The following WDR37 variants were observed in gnomAD, a reference collection of about 807,000 sequenced individuals.
WDR37 encodes WD repeat domain 37, also known as WD repeat-containing protein 37.
In WDR37, 19 loss-of-function variants were observed where a neutral mutation model predicts 62.9. The ratio of observed to expected loss-of-function variants is 0.30; its 90% CI spans 0.21 to 0.44. The LOEUF (loss-of-function observed/expected upper bound fraction) is 0.44. Ranked by LOEUF, WDR37 falls within the 20% of genes least tolerant of loss-of-function variation. WDR37 has a pLI of 1.00. For missense variants in WDR37, 474 were observed against 657.6 expected (o/e 0.72, Z 3.05); for synonymous variants, 250 against 260.9 (o/e 0.96, Z 0.40).
chr10:1,126,241 T>TA (rs1364268942), intron 13 of WDR37, among the ~76,000 whole-genome samples: 3 of 151,946 alleles, frequency 2.0e-5, no homozygotes, highest in East Asian at 1.9e-4. Context: ...CTGTCTCTAA[T>TA]AAAAATACAA....
rs200842919 is a variant in WDR37 at position 1,116,936 on chromosome 10, C to T, written c.1104-7282C>T. Among the ~76,000 whole-genome samples the T allele has an allele frequency of 6.9e-5, 9 of 129,714 alleles. No individual in the cohort carries two copies. In the East Asian group the frequency reaches 9.9e-4, roughly 14 times the overall value. The allele number at this position is 129,714 out of a possible 152,430, so 85.1% of individuals were successfully genotyped here. ...TCCTTGTCTCTTACCAGCAGAGCAGCGCTGTCCGTGCCACCACCTGCAGAG... is the reference window on the plus strand; with the variant it reads ...TCCTTGTCTCTTACCAGCAGAGCAGTGCTGTCCGTGCCACCACCTGCAGAG... On this transcript the variant is annotated intron_variant, in intron 11 of 13. Transcript: ENST00000263150.
Position 1,072,290 on chromosome 10 carries a change from A to G in WDR37, c.135A>G (p.Gly45=). 6.2e-7 allele frequency: 1 copy of G among 1,613,532 alleles called. No individual in the cohort carries two copies. The highest frequency in any genetic ancestry group is 8.5e-7 in the Non-Finnish European group (1 of 1,179,802). Reference sequence around the variant, plus strand: ...GACTGCCAAGAGACATGTTAGAAGGACAAGTAAGCTACGATTGATTAGGGC... The same window carrying G: ...GACTGCCAAGAGACATGTTAGAAGGGCAAGTAAGCTACGATTGATTAGGGC... The part of the protein sequence containing the change: ...RTGLPRDMLE[G]QDSKLPSSVR... The change falls in exon 2 of 14, where the codon GGA becomes GGG. Residue 45 remains glycine, a synonymous_variant. Transcript: ENST00000263150.
chr10:1,121,395 A>C lies in WDR37; in HGVS notation c.1104-2823A>C, dbSNP rs1835573315. Among the ~76,000 whole-genome samples the C allele has an allele frequency of 1.3e-5, 2 of 152,236 alleles. No homozygotes were observed. The highest frequency in any genetic ancestry group is 6.5e-5 in the Admixed American group (1 of 15,300). ...CTCCCCCAGCAGCCGAAGTCCTCTA[A>C]GCCTCATTGTAACCTTCTCACTGAA... On this transcript the variant is annotated intron_variant, in intron 11 of 13. Transcript: ENST00000263150. This position sits in a 1 kb window ranked among gnomAD's most constrained non-coding sequence, Gnocchi z 4.5.
intron 5 of WDR37, among the ~76,000 whole-genome samples, chr10:1,082,456 A>G (rs1031798290): frequency 1.3e-5 from 2 of 152,190 alleles, no homozygotes; most frequent in Admixed American, 6.5e-5. Context: ...TTTTTCCACA[A>G]AGAAAGACAC....
chr10:1,114,908 G>A (rs753111381), intron 11 of WDR37, among the ~76,000 whole-genome samples: 1 of 152,208 alleles, frequency 6.6e-6, no homozygotes, highest in Non-Finnish European at 1.5e-5. Flanking sequence ...GAATAGACGT[G>A]CCTGCAAGAG....
chr10:1,058,087 G>GGAGTTA (rs370967462), intron 1 of WDR37, among the ~76,000 whole-genome samples: 87,171 of 151,920 alleles, frequency 0.57, 25,585 homozygotes, highest in Non-Finnish European at 0.64. Flanking sequence ...ATGTAAATAT[G>GGAGTTA]AACTCACCAA....
chr10:1,104,270 A>C (rs1259272572), intron 10 of WDR37, among the ~76,000 whole-genome samples: 2 of 152,196 alleles, frequency 1.3e-5, no homozygotes, highest in African/African-American at 4.8e-5. Flanking sequence ...GTCCTCTTCC[A>C]AGCCTGCTGG....
Position 1,129,349 on chromosome 10 carries a change from A to G in WDR37, c.*5A>G, listed in dbSNP as rs935380670. On this transcript the variant is annotated 3_prime_UTR_variant, in exon 14 of 14. Transcript: ENST00000263150. Reference sequence around the variant, plus strand: ...GCATTGCTACAAGAAAAATAAGGACACCGGCAGCCCTTAGTTTCACTGTTT... The same window carrying G: ...GCATTGCTACAAGAAAAATAAGGACGCCGGCAGCCCTTAGTTTCACTGTTT... 4.3e-6 allele frequency: 7 copies of G among 1,613,866 alleles called. No homozygotes were observed. Among genetic ancestry groups the G allele is most frequent in the African/African-American group, 1.3e-5 (1 of 74,884 alleles).
At chr10:1,117,246 A>T (rs1246888522) in intron 11 of WDR37, among the ~76,000 whole-genome samples, 2 of 151,976 alleles carry the variant, frequency 1.3e-5, no homozygotes, top group African/African-American at 4.8e-5. Context: ...GTAGAGATGG[A>T]GTCTCACCAT....
At chr10:1,068,179 C>T (rs1564496557) in intron 1 of WDR37, among the ~76,000 whole-genome samples, 2 of 151,928 alleles carry the variant, frequency 1.3e-5, no homozygotes, top group Admixed American at 6.6e-5. Flanking sequence ...GGGTGACTAT[C>T]CTTAAGAAAG....
intron 5 of WDR37, among the ~76,000 whole-genome samples, chr10:1,083,008 A>G (rs188368202): frequency 7.2e-5 from 11 of 152,354 alleles, no homozygotes; most frequent in Admixed American, 5.9e-4. Context: ...TTACTACAAT[A>G]CGGTTATTAA....
At chr10:1,069,389 A>ATATTTTTTTTT in intron 1 of WDR37, among the ~76,000 whole-genome samples, 10 of 95,806 alleles carry the variant, frequency 1.0e-4, no homozygotes, top group African/African-American at 4.2e-4. Context: ...ATATATATAT[A>ATATTTTTTTTT]TTTTTTTTTT....
At chr10:1,083,654 T>C (rs1589091413) in intron 5 of WDR37, among the ~76,000 whole-genome samples, 1 of 152,368 alleles carries the variant, frequency 6.6e-6, no homozygotes, top group East Asian at 1.9e-4. Context: ...ACTCACTTCA[T>C]ATTTTTCCTG....
intron 11 of WDR37, among the ~76,000 whole-genome samples, chr10:1,114,679 G>A (rs1455829115): frequency 1.3e-5 from 2 of 152,210 alleles, no homozygotes; most frequent in African/African-American, 2.4e-5. Flanking sequence ...CAGAAGCTCC[G>A]AGATTGCCTG....
chr10:1,086,755 G>C (rs975380590), intron 7 of WDR37, among the ~76,000 whole-genome samples: 1 of 152,230 alleles, frequency 6.6e-6, no homozygotes, highest in Non-Finnish European at 1.5e-5. Context: ...TTGCGTGCCC[G>C]TAGTTAATGC....
At chr10:1,104,115 A>G (rs768491143) in intron 10 of WDR37, among the ~76,000 whole-genome samples, 2 of 152,214 alleles carry the variant, frequency 1.3e-5, no homozygotes, top group African/African-American at 2.4e-5. Context: ...AATTTCCACA[A>G]TCTTAGTGTC....
intron 2 of WDR37, 109 bp downstream of exon 2, chr10:1,072,402 C>T: frequency 6.9e-7 from 1 of 1,440,412 alleles, no homozygotes; most frequent in Non-Finnish European, 9.5e-7. Context: ...ACAACCTCCA[C>T]CTCCTGGGTG....
At chr10:1,073,147 T>C (rs937748015) in intron 2 of WDR37, among the ~76,000 whole-genome samples, 2 of 152,228 alleles carry the variant, frequency 1.3e-5, no homozygotes, top group Non-Finnish European at 2.9e-5. Context: ...TAAAGAGTGT[T>C]GTGAAGTCTA....
intron 9 of WDR37, among the ~76,000 whole-genome samples, chr10:1,101,658 C>T (rs1834806825): frequency 6.6e-6 from 1 of 152,158 alleles, no homozygotes; most frequent in Admixed American, 6.6e-5. Flanking sequence ...TTGCATCACA[C>T]GGAATAAAAC....
Sources: allele counts gnomAD v4.1 joint callset (sites outside exome capture counted in the v4.1 genomes callset), GRCh38; gene constraint gnomAD v4.1.1; non-coding constraint Gnocchi (gnomAD v3.1); transcripts MANE v1.5; gene names NCBI Gene and HGNC (gene_info 2026-07-23, HGNC 2026-07-21).